The following FGF14 variants were observed in gnomAD, a reference collection of about 807,000 sequenced individuals.
FGF14 encodes the protein fibroblast growth factor 14.
Under a neutral mutation model 25.5 loss-of-function variants are expected in FGF14, and 5 were observed. That is an observed-to-expected ratio of 0.20 (90% confidence interval 0.10 to 0.41). FGF14 has a LOEUF of 0.41. Among genes scored for constraint, FGF14 ranks in the 10% least tolerant of loss-of-function variants. FGF14 has a pLI of 1.00. For missense variants in FGF14, 222 were observed against 320.1 expected (o/e 0.69, Z 2.34); for synonymous variants, 138 against 118.3 (o/e 1.17, Z -1.08).
chr13:102,098,640 T>C (rs1202174533), intron 1 of FGF14, among the ~76,000 whole-genome samples: 1 of 152,210 alleles, frequency 6.6e-6, no homozygotes, highest in Non-Finnish European at 1.5e-5. Context: ...AAAATGTTAT[T>C]AGAAATGGCT....
chr13:101,807,573 CT>C (rs1345522301), intron 3 of FGF14, among the ~76,000 whole-genome samples: 1 of 151,958 alleles, frequency 6.6e-6, no homozygotes, highest in African/African-American at 2.4e-5. Flanking sequence ...TTTTTCTCAC[CT>C]AACATTTTAT....
At chr13:102,083,937 G>A (rs1469013061) in intron 1 of FGF14, among the ~76,000 whole-genome samples, 1 of 152,116 alleles carries the variant, frequency 6.6e-6, no homozygotes, top group East Asian at 1.9e-4. Flanking sequence ...TAAAGTAAAA[G>A]CCAAAATCTC....
At chr13:101,798,012 C>G (rs11838798) in intron 3 of FGF14, among the ~76,000 whole-genome samples, 2 of 152,058 alleles carry the variant, frequency 1.3e-5, no homozygotes, top group African/African-American at 4.8e-5. Context: ...TACTTGCTAA[C>G]GTTACTCGCT....
chr13:101,771,162 C>T (rs1382783558), intron 3 of FGF14, among the ~76,000 whole-genome samples: 1 of 151,930 alleles, frequency 6.6e-6, no homozygotes, highest in Non-Finnish European at 1.5e-5. Context: ...CATGGATCTT[C>T]ATATTCTTTC....
intron 1 of FGF14, among the ~76,000 whole-genome samples, chr13:102,036,975 G>A (rs1926013): frequency 0.43 from 65,210 of 151,916 alleles, 14,446 homozygotes; most frequent in East Asian, 0.73. Context: ...AATACACAGG[G>A]AGCATATTTT....
At chr13:101,956,069 T>C (rs2139425172) in intron 1 of FGF14, among the ~76,000 whole-genome samples, 1 of 152,250 alleles carries the variant, frequency 6.6e-6, no homozygotes, top group South Asian at 2.1e-4. Flanking sequence ...TATAAAAATA[T>C]TGTCACTTCA....
chr13:102,307,115 C>G (rs1167192022), intron 1 of FGF14, among the ~76,000 whole-genome samples: 1 of 152,068 alleles, frequency 6.6e-6, no homozygotes, highest in African/African-American at 2.4e-5. Context: ...TTCGATGTAG[C>G]AGAGCACAAG....
chr13:102,301,064 C>T (rs1477999905), intron 1 of FGF14, among the ~76,000 whole-genome samples: 1 of 152,028 alleles, frequency 6.6e-6, no homozygotes, highest in Admixed American at 6.6e-5. Flanking sequence ...ATCTTCTAGG[C>T]TTTCCTCAAA....
At chr13:102,327,191 C>T (rs1241488680) in intron 1 of FGF14, among the ~76,000 whole-genome samples, 1 of 152,058 alleles carries the variant, frequency 6.6e-6, no homozygotes, top group Non-Finnish European at 1.5e-5. Flanking sequence ...TATTTAAGTC[C>T]CTATTTCTTT....
intron 1 of FGF14, among the ~76,000 whole-genome samples, chr13:102,242,492 G>T (rs2141032805): frequency 6.6e-6 from 1 of 152,186 alleles, no homozygotes; most frequent in Admixed American, 6.5e-5. Flanking sequence ...AAAGTGGAAG[G>T]CCAAAGAGAG....
intron 3 of FGF14, among the ~76,000 whole-genome samples, chr13:101,787,181 C>CT (rs397815690): frequency 2.1e-4 from 1 of 4,692 alleles, no homozygotes; most frequent in African/African-American, 2.3e-4. Flanking sequence ...AATAATGTAT[C>CT]TTCAACACAC....
chr13:102,061,133 C>T (rs538382366), intron 1 of FGF14, among the ~76,000 whole-genome samples: 1 of 152,344 alleles, frequency 6.6e-6, no homozygotes, highest in African/African-American at 2.4e-5. Context: ...TCAATAAAAC[C>T]TTGCACTCAT....
At chr13:102,263,074 C>T (rs1432012260) in intron 1 of FGF14, 4 of 647,808 alleles carry the variant, frequency 6.2e-6, no homozygotes, top group South Asian at 2.9e-5. Flanking sequence ...TCCAATGTCT[C>T]CTTTTGGAGT....
At chr13:101,871,991 C>T (rs2045119058) in intron 2 of FGF14, among the ~76,000 whole-genome samples, 1 of 151,798 alleles carries the variant, frequency 6.6e-6, no homozygotes, top group African/African-American at 2.4e-5. Context: ...ACCAGTGGGC[C>T]TTTTTCCCCT....
At chr13:102,290,258 T>C (rs2054312248) in intron 1 of FGF14, among the ~76,000 whole-genome samples, 1 of 152,084 alleles carries the variant, frequency 6.6e-6, no homozygotes, top group African/African-American at 2.4e-5. Flanking sequence ...GACAGCTCTC[T>C]TGTCCCTTCT....
At chr13:102,228,046 C>T (rs750772579) in intron 1 of FGF14, among the ~76,000 whole-genome samples, 10 of 152,228 alleles carry the variant, frequency 6.6e-5, no homozygotes, top group Non-Finnish European at 1.3e-4. Flanking sequence ...TCTTATTGAA[C>T]GTTTATGTTG....
intron 3 of FGF14, among the ~76,000 whole-genome samples, chr13:101,757,636 G>A (rs2037750519): frequency 6.6e-6 from 1 of 152,110 alleles, no homozygotes; most frequent in Non-Finnish European, 1.5e-5. Context: ...TTAGATAAAG[G>A]TCACCCTCTA....
chr13:102,217,071 G>T (rs1215678184), intron 1 of FGF14, among the ~76,000 whole-genome samples: 1 of 152,124 alleles, frequency 6.6e-6, no homozygotes, highest in African/African-American at 2.4e-5. Flanking sequence ...GACACAGGTT[G>T]GTTCTATATC....
At chr13:101,972,035 T>C (rs978245667) in intron 1 of FGF14, among the ~76,000 whole-genome samples, 3 of 152,226 alleles carry the variant, frequency 2.0e-5, no homozygotes, top group Admixed American at 1.3e-4. Flanking sequence ...TTTAAACATA[T>C]ACTGGGAATA....
Sources: allele counts gnomAD v4.1 joint callset (sites outside exome capture counted in the v4.1 genomes callset), GRCh38; gene constraint gnomAD v4.1.1; transcripts MANE v1.5; gene names NCBI Gene and HGNC (gene_info 2026-07-23, HGNC 2026-07-21).